GRID2: variants seen among roughly 807,000 people sequenced by gnomAD.
The protein encoded by GRID2 is glutamate ionotropic receptor delta type subunit 2, also known as glutamate receptor ionotropic, delta-2.
GRID2 carries 33 observed loss-of-function variants against 114.8 expected under a neutral mutation model. That is an observed-to-expected ratio of 0.29 (90% CI 0.22 to 0.38). The LOEUF is 0.38. GRID2 is among the 10% of genes least tolerant of loss of function. The pLI is 1.00. For synonymous variants in GRID2, 505 were observed against 449.9 expected (o/e 1.12, Z -1.55); for missense variants, 1,184 against 1,257.7 (o/e 0.94, Z 0.89).
intron 2 of GRID2, among the ~76,000 whole-genome samples, chr4:92,946,607 G>GC (rs1413853246): frequency 6.6e-6 from 1 of 151,958 alleles, no homozygotes; most frequent in Non-Finnish European, 1.5e-5. Context: ...ATATTACTCA[G>GC]CAATATTGGC....
At chr4:93,623,735 A>G (rs373619518) in intron 13 of GRID2, among the ~76,000 whole-genome samples, 6 of 152,276 alleles carry the variant, frequency 3.9e-5, no homozygotes, top group African/African-American at 1.4e-4. Flanking sequence ...CTATTCTTAA[A>G]TACATTTTGT....
intron 12 of GRID2, among the ~76,000 whole-genome samples, chr4:93,493,511 C>A (rs1727225564): frequency 6.6e-6 from 1 of 151,382 alleles, no homozygotes; most frequent in Admixed American, 6.6e-5. Context: ...CAATCAGACA[C>A]CAATCCGTGG....
chr4:92,777,531 G>A (rs1251797640), intron 2 of GRID2, among the ~76,000 whole-genome samples: 4 of 151,906 alleles, frequency 2.6e-5, no homozygotes, highest in Admixed American at 6.6e-5. Flanking sequence ...TTGATGCATC[G>A]CTTCTTAAAC....
chr4:93,731,284 G>A (rs1000463045), intron 14 of GRID2, among the ~76,000 whole-genome samples: 1 of 152,094 alleles, frequency 6.6e-6, no homozygotes, highest in Non-Finnish European at 1.5e-5. Flanking sequence ...TGTTGCAGTC[G>A]ACAACTGAGT....
At chr4:93,346,176 A>G (rs1423968584) in intron 8 of GRID2, among the ~76,000 whole-genome samples, 1 of 152,076 alleles carries the variant, frequency 6.6e-6, no homozygotes, top group Admixed American at 6.6e-5. Flanking sequence ...TTCTGTAGTT[A>G]CCTTGAATTA....
At chr4:93,232,927 A>G (rs1043340829) in intron 7 of GRID2, among the ~76,000 whole-genome samples, 6 of 152,212 alleles carry the variant, frequency 3.9e-5, no homozygotes, top group Non-Finnish European at 7.3e-5. Context: ...GAAGGAAAAT[A>G]GAAATATCAA....
At chr4:93,452,985 C>T (rs539303200) in intron 10 of GRID2, among the ~76,000 whole-genome samples, 2 of 150,832 alleles carry the variant, frequency 1.3e-5, no homozygotes, top group Non-Finnish European at 2.9e-5. Flanking sequence ...GTGTGCTGCA[C>T]CCAGTAACTC....
At chr4:92,733,169 T>G (rs1365465419) in intron 2 of GRID2, among the ~76,000 whole-genome samples, 1 of 152,070 alleles carries the variant, frequency 6.6e-6, no homozygotes, top group Non-Finnish European at 1.5e-5. Context: ...AGAGAAAACA[T>G]TGCTACTGTA....
chr4:93,052,553 A>T (rs1024942346), intron 2 of GRID2, among the ~76,000 whole-genome samples: 1 of 152,010 alleles, frequency 6.6e-6, no homozygotes, highest in Admixed American at 6.6e-5. Context: ...CACAATGATA[A>T]GCACTTGTGT....
At chr4:93,549,659 A>C (rs1367717338) in intron 13 of GRID2, among the ~76,000 whole-genome samples, 1 of 152,220 alleles carries the variant, frequency 6.6e-6, no homozygotes, top group African/African-American at 2.4e-5. Flanking sequence ...AAAATTCCAC[A>C]GTATTTTATT....
intron 2 of GRID2, among the ~76,000 whole-genome samples, chr4:92,970,303 C>A (rs1276174020): frequency 6.6e-6 from 1 of 151,818 alleles, no homozygotes; most frequent in African/African-American, 2.4e-5. Context: ...CAAAATCTTT[C>A]TTTATTCAGT....
In GRID2 at chr4:92,801,811, C is replaced by T. The variant is rs188203342; in HGVS notation, c.244+211525C>T. On this transcript the variant is annotated intron_variant, in intron 2 of 15. Transcript: ENST00000282020. ...ATTAACTCATAATACTCATAACAAA[C>T]CCAAAAGTTGGACTTTTTCTTATCC... Among the ~76,000 whole-genome samples the T allele has an allele frequency of 3.5e-3, 538 of 151,820 alleles. 2 individuals carry two copies. The highest frequency in any genetic ancestry group is 0.013 in the African/African-American group (522 of 41,462).
chr4:93,199,231 C>G (rs567769441), intron 4 of GRID2, among the ~76,000 whole-genome samples: 1 of 152,282 alleles, frequency 6.6e-6, no homozygotes, highest in South Asian at 2.1e-4. Context: ...GAATTAAAGA[C>G]AGTAACACAG....
At chr4:92,481,176 A>T (rs1411493708) in intron 1 of GRID2, among the ~76,000 whole-genome samples, 3 of 152,168 alleles carry the variant, frequency 2.0e-5, no homozygotes. Flanking sequence ...AGTTTAATTT[A>T]CTCAAAGGTC....
At chr4:92,489,138 G>T (rs534123050) in intron 1 of GRID2, among the ~76,000 whole-genome samples, 13 of 152,210 alleles carry the variant, frequency 8.5e-5, no homozygotes, top group African/African-American at 3.1e-4. Context: ...AAATATGGTT[G>T]CCCCTTCTAC....
chr4:93,192,747 C>CAAAAAAA (rs775968274), intron 4 of GRID2, among the ~76,000 whole-genome samples: 7 of 43,698 alleles, frequency 1.6e-4, no homozygotes, highest in African/African-American at 4.0e-4. Flanking sequence ...AACTCCATCT[C>CAAAAAAA]AAAAAAAAAA....
intron 9 of GRID2, among the ~76,000 whole-genome samples, chr4:93,421,099 A>G (rs1245945049): frequency 5.9e-5 from 9 of 152,166 alleles, no homozygotes; most frequent in Non-Finnish European, 1.2e-4. Context: ...TTTCAGTGTC[A>G]GGGACATAGA....
intron 1 of GRID2, among the ~76,000 whole-genome samples, chr4:92,381,714 A>C (rs1729629326): frequency 6.6e-6 from 1 of 152,018 alleles, no homozygotes; most frequent in African/African-American, 2.4e-5. Flanking sequence ...TCAATGTGTT[A>C]AATTTTGATG....
At chr4:92,413,440 C>T (rs1305219008) in intron 1 of GRID2, among the ~76,000 whole-genome samples, 2 of 152,114 alleles carry the variant, frequency 1.3e-5, no homozygotes, top group East Asian at 1.9e-4. Flanking sequence ...TTTAGATTTA[C>T]ACCTTGAGTT....
Sources: allele counts gnomAD v4.1 joint callset (sites outside exome capture counted in the v4.1 genomes callset), GRCh38; gene constraint gnomAD v4.1.1; transcripts MANE v1.5; gene names NCBI Gene and HGNC (gene_info 2026-07-23, HGNC 2026-07-21).